The following PCDH15 variants were observed in gnomAD, a reference collection of about 807,000 sequenced individuals.
The protein encoded by PCDH15 is protocadherin-15.
A neutral mutation model predicts 178.5 loss-of-function variants in PCDH15; 129 were observed. The observed-to-expected ratio is 0.72, with a 90% CI of 0.63 to 0.84. The LOEUF is 0.84. Ranked by LOEUF, PCDH15 falls within the 40% of genes least tolerant of loss-of-function variation. The pLI, the probability that PCDH15 is intolerant of heterozygous loss-of-function variation, is 0.00. For synonymous variants in PCDH15, 800 were observed against 732.0 expected (o/e 1.09, Z -1.50); for missense variants, 2,230 against 2,099.9 (o/e 1.06, Z -1.21).
chr10:53,887,637 C>T (rs1410358770), intron 26 of PCDH15, among the ~76,000 whole-genome samples: 1 of 152,132 alleles, frequency 6.6e-6, no homozygotes, highest in Non-Finnish European at 1.5e-5. Flanking sequence ...GCCTGTAATC[C>T]CAGCACTTTG....
intron 20 of PCDH15, among the ~76,000 whole-genome samples, chr10:54,019,201 C>A (rs1394117219): frequency 6.6e-6 from 1 of 151,980 alleles, no homozygotes; most frequent in African/African-American, 2.4e-5. Context: ...TCTTCCCTTA[C>A]CAAAACAAAA....
At chr10:55,552,280 T>G (rs899768250) in intron 2 of PCDH15, among the ~76,000 whole-genome samples, 5 of 151,662 alleles carry the variant, frequency 3.3e-5, no homozygotes, top group Admixed American at 6.6e-5. Flanking sequence ...TTCCATGTGA[T>G]TGAGGATAAT....
At chr10:55,265,978 G>A (rs1162214707) in intron 1 of PCDH15, among the ~76,000 whole-genome samples, 1 of 152,034 alleles carries the variant, frequency 6.6e-6, no homozygotes, top group African/African-American at 2.4e-5. Context: ...CCCTCAAACA[G>A]GGTGCACCTA....
At chr10:54,099,401 G>A (rs1484453971) in intron 15 of PCDH15, among the ~76,000 whole-genome samples, 4 of 150,498 alleles carry the variant, frequency 2.7e-5, no homozygotes, top group Non-Finnish European at 4.4e-5. Flanking sequence ...TCGGGAGGCT[G>A]AGGCAGGAGA....
intron 23 of PCDH15, among the ~76,000 whole-genome samples, chr10:53,956,121 C>G (rs780213554): frequency 6.6e-6 from 1 of 152,006 alleles, no homozygotes; most frequent in Non-Finnish European, 1.5e-5. Flanking sequence ...TTGTTGGAAA[C>G]TAATAAAATG....
At chr10:55,499,736 A>G (rs1353507693) in intron 2 of PCDH15, among the ~76,000 whole-genome samples, 1 of 151,782 alleles carries the variant, frequency 6.6e-6, no homozygotes, top group Non-Finnish European at 1.5e-5. Context: ...TTTAAATAGC[A>G]AGTTAAAATA....
At chr10:54,751,467 A>T (rs1320614131) in intron 1 of PCDH15, among the ~76,000 whole-genome samples, 1 of 152,174 alleles carries the variant, frequency 6.6e-6, no homozygotes, top group Non-Finnish European at 1.5e-5. Context: ...ATATCTTGAT[A>T]TTTTCAAATA....
intron 9 of PCDH15, among the ~76,000 whole-genome samples, chr10:54,229,038 CA>C (rs138375704): frequency 0.055 from 8,305 of 152,018 alleles, 562 homozygotes; most frequent in African/African-American, 0.17. Context: ...AACTAATGCT[CA>C]AAAAAATGAA....
chr10:54,488,932 C>T (rs1038986786), intron 3 of PCDH15, among the ~76,000 whole-genome samples: 4 of 151,932 alleles, frequency 2.6e-5, no homozygotes, highest in Non-Finnish European at 4.4e-5. Flanking sequence ...GAATCTTTTA[C>T]TGCCAAATAT....
At chr10:55,483,166 A>G (rs1020689161) in intron 2 of PCDH15, among the ~76,000 whole-genome samples, 4 of 151,922 alleles carry the variant, frequency 2.6e-5, no homozygotes, top group African/African-American at 9.7e-5. Flanking sequence ...TCTGCACAGC[A>G]AAAGAAACTG....
intron 8 of PCDH15, among the ~76,000 whole-genome samples, chr10:54,273,228 A>C (rs1975411): frequency 0.62 from 94,755 of 151,826 alleles, 30,762 homozygotes; most frequent in Middle Eastern, 0.76. Context: ...TTAGAACTTA[A>C]TGACAGTGAA....
intron 2 of PCDH15, among the ~76,000 whole-genome samples, chr10:54,637,586 A>C (rs2093888011): frequency 6.6e-6 from 1 of 151,762 alleles, no homozygotes; most frequent in African/African-American, 2.4e-5. Context: ...TATCTGCTTT[A>C]CTCTTTCATT....
At chr10:54,502,664 A>G (rs1368359534) in intron 3 of PCDH15, among the ~76,000 whole-genome samples, 1 of 152,100 alleles carries the variant, frequency 6.6e-6, no homozygotes, top group Non-Finnish European at 1.5e-5. Flanking sequence ...GATATTTAGT[A>G]TCAGAGTAAC....
In PCDH15 at chr10:55,241,513, G is replaced by A. The variant is rs553837171; in HGVS notation, c.-155-74862C>T. On this transcript the variant is annotated intron_variant, in intron 1 of 5. Coordinates refer to the PCDH15 transcript ENST00000458638. ...CAGCTCACTGCAGCCTCAACCTCCCGGGCTCAAGTGATCATCCTACCTTAG... is the reference window on the plus strand; with the variant it reads ...CAGCTCACTGCAGCCTCAACCTCCCAGGCTCAAGTGATCATCCTACCTTAG... Among the ~76,000 whole-genome samples, 3 of 152,138 alleles carry A rather than the reference G, an allele frequency of 2.0e-5. No individual in the cohort carries two copies. In the South Asian group the frequency reaches 6.2e-4, roughly 32 times the overall value.
chr10:55,077,395 C>T (rs1480030014), intron 2 of PCDH15, among the ~76,000 whole-genome samples: 1 of 140,212 alleles, frequency 7.1e-6, no homozygotes, highest in Non-Finnish European at 1.5e-5. Flanking sequence ...TGGTGGTTTT[C>T]TCTCTTCCTT....
chr10:53,876,803 C>T (rs1157876247), intron 26 of PCDH15, among the ~76,000 whole-genome samples: 1 of 152,082 alleles, frequency 6.6e-6, no homozygotes, highest in Non-Finnish European at 1.5e-5. Flanking sequence ...TAATATAATT[C>T]TGAGAGATTC....
chr10:54,162,143 T>C (rs1311210325), intron 13 of PCDH15, among the ~76,000 whole-genome samples: 1 of 152,188 alleles, frequency 6.6e-6, no homozygotes, highest in Non-Finnish European at 1.5e-5. Context: ...CCCTTCAGGC[T>C]ACTTGTTCAT....
chr10:54,671,490 C>T, intron 1 of PCDH15, among the ~76,000 whole-genome samples: 1 of 152,000 alleles, frequency 6.6e-6, no homozygotes, highest in Non-Finnish European at 1.5e-5. Flanking sequence ...CATTGCATTC[C>T]TAGTTATGTT....
intron 1 of PCDH15, among the ~76,000 whole-genome samples, chr10:55,233,392 T>C (rs1404814280): frequency 6.6e-6 from 1 of 152,170 alleles, no homozygotes; most frequent in African/African-American, 2.4e-5. Flanking sequence ...GCTAAACTGG[T>C]TAGTTTTTAG....
Sources: gnomAD v4.1 joint callset for allele counts (sites outside exome capture counted in the v4.1 genomes callset) on GRCh38, gnomAD v4.1.1 for gene constraint, MANE v1.5 for transcripts, NCBI Gene and HGNC (gene_info 2026-07-23, HGNC 2026-07-21) for gene names.